RALYL: variants seen among roughly 807,000 people sequenced by gnomAD.
RALYL encodes RALY RNA binding protein like.
A neutral mutation model predicts 35.1 loss-of-function variants in RALYL; 29 were observed. The ratio of observed to expected loss-of-function variants is 0.83; its 90% CI spans 0.61 to 1.13. RALYL has a LOEUF of 1.13. Among genes scored for constraint, RALYL ranks in the 50% most tolerant of loss-of-function variants. The probability of loss-of-function intolerance (pLI) is 0.00; values close to 1 mark genes in which losing one functional copy is unlikely to be tolerated. For missense variants in RALYL, 359 were observed against 360.4 expected (o/e 1.00, Z 0.03); for synonymous variants, 120 against 127.6 (o/e 0.94, Z 0.40).
chr8:84,746,178 G>A (rs1225526036), intron 2 of RALYL, among the ~76,000 whole-genome samples: 1 of 151,952 alleles, frequency 6.6e-6, no homozygotes, highest in Non-Finnish European at 1.5e-5. Flanking sequence ...CCTGTCACAG[G>A]ATGGGGAAAA....
intron 1 of RALYL, among the ~76,000 whole-genome samples, chr8:84,411,750 T>G (rs1471839923): frequency 6.6e-6 from 1 of 152,022 alleles, no homozygotes; most frequent in Non-Finnish European, 1.5e-5. Flanking sequence ...GTAAAATTGC[T>G]TGCCTTTGAA....
chr8:84,906,205 A>T (rs1365677), intron 8 of RALYL, among the ~76,000 whole-genome samples: 1 of 151,938 alleles, frequency 6.6e-6, no homozygotes, highest in Middle Eastern at 3.2e-3. Context: ...AATTCTTTTC[A>T]AGTTTATTTT....
At chr8:84,537,171 A>C (rs1732437153) in intron 2 of RALYL, among the ~76,000 whole-genome samples, 2 of 149,536 alleles carry the variant, frequency 1.3e-5, no homozygotes, top group African/African-American at 4.8e-5. Flanking sequence ...AAAAAAAAAA[A>C]AAAAACTCTA....
chr8:84,385,324 A>G (rs1480067075), intron 1 of RALYL, among the ~76,000 whole-genome samples: 1 of 151,878 alleles, frequency 6.6e-6, no homozygotes, highest in African/African-American at 2.4e-5. Context: ...AATTAGTTTT[A>G]GAGCAACCCA....
intron 1 of RALYL, among the ~76,000 whole-genome samples, chr8:84,389,733 G>A (rs1317112040): frequency 6.7e-6 from 1 of 149,848 alleles, no homozygotes; most frequent in Admixed American, 6.6e-5. Context: ...TCAGCTTAAG[G>A]AGATTTTGGG....
intron 1 of RALYL, among the ~76,000 whole-genome samples, chr8:84,379,137 A>T (rs889296334): frequency 6.6e-6 from 1 of 151,962 alleles, no homozygotes; most frequent in Non-Finnish European, 1.5e-5. Flanking sequence ...TGAGCAGAAC[A>T]TTTAAATAAA....
intron 1 of RALYL, among the ~76,000 whole-genome samples, chr8:84,268,607 G>A (rs1324745979): frequency 6.6e-6 from 1 of 152,066 alleles, no homozygotes; most frequent in African/African-American, 2.4e-5. Flanking sequence ...TAAGATACGC[G>A]GAACTACATT....
chr8:84,662,845 T>C (rs1367626028), intron 2 of RALYL, among the ~76,000 whole-genome samples: 1 of 152,222 alleles, frequency 6.6e-6, no homozygotes, highest in East Asian at 1.9e-4. Flanking sequence ...TTTGAACTTT[T>C]AAGTTCAGGG....
chr8:84,387,803 C>CTTTTTTTT (rs112006834), intron 1 of RALYL, among the ~76,000 whole-genome samples: 5 of 135,518 alleles, frequency 3.7e-5, no homozygotes, highest in African/African-American at 1.1e-4. Flanking sequence ...TTCTTTCTTT[C>CTTTTTTTT]TTTTTTTTTT....
At chr8:84,746,594 A>G (rs1808654458) in intron 2 of RALYL, among the ~76,000 whole-genome samples, 1 of 151,992 alleles carries the variant, frequency 6.6e-6, no homozygotes, top group East Asian at 1.9e-4. Context: ...TTACTCTTGA[A>G]ATACATATTT....
intron 2 of RALYL, among the ~76,000 whole-genome samples, chr8:84,609,874 A>G (rs1030624885): frequency 3.3e-5 from 5 of 152,120 alleles, no homozygotes; most frequent in Admixed American, 2.0e-4. Flanking sequence ...ATCATTGTGG[A>G]AGACAAAGGA....
At chr8:84,920,143 T>A (rs911467400) in intron 8 of RALYL, among the ~76,000 whole-genome samples, 1 of 152,132 alleles carries the variant, frequency 6.6e-6, no homozygotes, top group African/African-American at 2.4e-5. Flanking sequence ...TCTTAAGACA[T>A]ACACAGATTT....
At chr8:84,289,017 A>C (rs1467761930) in intron 1 of RALYL, among the ~76,000 whole-genome samples, 1 of 152,120 alleles carries the variant, frequency 6.6e-6, no homozygotes, top group Non-Finnish European at 1.5e-5. Context: ...GAAGACTTTT[A>C]AGCGCTGGGG....
At chr8:84,753,316 T>A (rs1810527275) in intron 2 of RALYL, among the ~76,000 whole-genome samples, 1 of 152,192 alleles carries the variant, frequency 6.6e-6, no homozygotes, top group Admixed American at 6.5e-5. Flanking sequence ...GATCTTTATT[T>A]TACAGGCTCA....
At position 84,291,252 on chromosome 8, in the gene RALYL, A is replaced by G. The variant is rs182485923; in HGVS notation, c.-24+106828A>G. On this transcript the variant is annotated intron_variant, in intron 1 of 8. Transcript: ENST00000521268. ...AGAGAAATCCAGTCTTATTTAAAAA[A>G]GAAGCACTATTGGCTGAAAGACTTG... Among the ~76,000 whole-genome samples, 455 of 152,324 alleles carry G rather than the reference A, an allele frequency of 3.0e-3. 3 individuals are homozygous for G. The highest frequency in any genetic ancestry group is 9.7e-3 in the African/African-American group (402 of 41,590).
At chr8:84,631,820 A>G (rs1823969977) in intron 2 of RALYL, among the ~76,000 whole-genome samples, 1 of 151,972 alleles carries the variant, frequency 6.6e-6, no homozygotes, top group African/African-American at 2.4e-5. Context: ...ATGGTCCTGG[A>G]AAAATTATAC....
At chr8:84,411,463 C>G (rs911217032) in intron 1 of RALYL, among the ~76,000 whole-genome samples, 12 of 151,848 alleles carry the variant, frequency 7.9e-5, no homozygotes, top group African/African-American at 2.9e-4. Flanking sequence ...GATCTCAAAT[C>G]CATCAATATG....
At chr8:84,918,504 T>C (rs1262526125) in intron 8 of RALYL, among the ~76,000 whole-genome samples, 1 of 152,018 alleles carries the variant, frequency 6.6e-6, no homozygotes, top group African/African-American at 2.4e-5. Context: ...TTTAAAAGCT[T>C]CCAAGCTCCC....
chr8:84,913,036 G>A (rs200107181), intron 8 of RALYL, among the ~76,000 whole-genome samples: 9,420 of 99,918 alleles, frequency 0.094, 384 homozygotes, highest in East Asian at 0.16. Context: ...GGATGGATAG[G>A]TAGGTAGATA....
Sources: allele counts gnomAD v4.1 joint callset (sites outside exome capture counted in the v4.1 genomes callset), GRCh38; gene constraint gnomAD v4.1.1; transcripts MANE v1.5; gene names NCBI Gene and HGNC (gene_info 2026-07-23, HGNC 2026-07-21).